The following ACSF3 variants were observed in gnomAD, a reference collection of about 807,000 sequenced individuals.
ACSF3 encodes the protein malonate--CoA ligase ACSF3, mitochondrial.
In ACSF3, 78 loss-of-function variants were observed where a neutral mutation model predicts 53.2. The ratio of observed to expected loss-of-function variants is 1.47; its 90% confidence interval spans 1.22 to 1.77. The LOEUF is 1.77. Ranked by LOEUF, ACSF3 falls within the 40% of genes most tolerant of loss-of-function variation. The probability of loss-of-function intolerance (pLI) is 0.00; values close to 1 mark genes in which losing one functional copy is unlikely to be tolerated. For synonymous variants in ACSF3, 414 were observed against 333.1 expected, an observed-to-expected ratio of 1.24 and a Z score of -2.65; for missense variants, 937 against 771.1, an observed-to-expected ratio of 1.22 and a Z score of -2.55.
chr16:89,094,177 T>A (rs2151380766), intron 1 of ACSF3, among the ~76,000 whole-genome samples, 181 bp downstream of exon 1: 1 of 151,352 alleles, frequency 6.6e-6, no homozygotes, highest in South Asian at 2.1e-4. Flanking sequence ...GCCGAGCCTC[T>A]CGTGTCCGGT....
intron 7 of ACSF3, among the ~76,000 whole-genome samples, chr16:89,126,308 G>A (rs187142209): frequency 7.1e-4 from 108 of 151,666 alleles, no homozygotes; most frequent in African/African-American, 2.5e-3. Context: ...TTGTCCTTTC[G>A]CCCAGGCTGG....
At position 89,156,168 on chromosome 16, in the gene ACSF3, A is replaced by T. The variant is rs1914676634; in HGVS notation, c.*1961A>T. On this transcript the variant is annotated 3_prime_UTR_variant, in exon 11 of 11. Coordinates refer to ENST00000614302, the MANE Select transcript of ACSF3 (RefSeq NM_001243279.3). ...GTTCCCCTCTGCTCCACCAGCCGAG[A>T]ACAAGCCCGTCCTGGAGGGAACTCA... Among the ~76,000 whole-genome samples, 1 of 152,082 alleles carries T rather than the reference A, an allele frequency of 6.6e-6. No homozygotes were observed. Among genetic ancestry groups the T allele is most frequent in the African/African-American group, 2.4e-5 (1 of 41,410 alleles).
At chr16:89,110,026 T>C (rs1976505096) in intron 4 of ACSF3, among the ~76,000 whole-genome samples, 1 of 152,268 alleles carries the variant, frequency 6.6e-6, no homozygotes. Flanking sequence ...ACGAGTCTCT[T>C]TTCAGATGTA....
intron 7 of ACSF3, among the ~76,000 whole-genome samples, chr16:89,125,343 C>A (rs1185432970): frequency 1.4e-4 from 20 of 140,868 alleles, no homozygotes; most frequent in South Asian, 9.1e-4. Flanking sequence ...AACTCTGTCT[C>A]AAAAAAAAAA....
intron 7 of ACSF3, among the ~76,000 whole-genome samples, chr16:89,127,334 C>A (rs1908335799): frequency 6.6e-6 from 1 of 151,816 alleles, no homozygotes; most frequent in South Asian, 2.1e-4. Flanking sequence ...CCAATGAAAT[C>A]ATCTGGGCCT....
At chr16:89,103,254 G>A (rs907106890) in intron 4 of ACSF3, among the ~76,000 whole-genome samples, 36 of 152,240 alleles carry the variant, frequency 2.4e-4, no homozygotes, top group African/African-American at 7.5e-4. Flanking sequence ...CTGCGGCTGC[G>A]GCGAATGCTC....
rs537245107 is a variant in ACSF3, at chr16:89,138,486, C to T, written c.1366+5224C>T. On this transcript the variant is annotated intron_variant, in intron 8 of 10. Coordinates refer to ENST00000614302, the MANE Select transcript of ACSF3 (RefSeq NM_001243279.3). ...GTGCCAGCCTCTGCGCCAAGGGTGC[C>T]GACCAAGGTCAGAGCCGATCGCGGG... Among the ~76,000 whole-genome samples, 3 of 152,350 alleles carry T rather than the reference C, an allele frequency of 2.0e-5. No homozygotes were observed. The South Asian group carries it at 6.2e-4, about 32-fold the overall frequency.
chr16:89,136,425 A>C, intron 8 of ACSF3: 2 of 985,848 alleles, frequency 2.0e-6, no homozygotes, highest in Non-Finnish European at 2.6e-6. Context: ...TCTTTGTCAC[A>C]GGCCATTAGC....
At chr16:89,109,229 C>CAAAAAA (rs773650798) in intron 4 of ACSF3, among the ~76,000 whole-genome samples, 4 of 68,474 alleles carry the variant, frequency 5.8e-5, no homozygotes, top group Non-Finnish European at 9.2e-5. Context: ...AAGACTGTCT[C>CAAAAAA]AAAAAAAAAA....
At chr16:89,114,701 G>C (rs745681059) in intron 6 of ACSF3, 1 of 689,938 alleles carries the variant, frequency 1.4e-6, no homozygotes, top group African/African-American at 1.8e-5. Context: ...TCGGGTGGAT[G>C]GGGGAGGTGT....
intron 7 of ACSF3, among the ~76,000 whole-genome samples, chr16:89,132,882 G>A (rs1439632950): frequency 1.3e-5 from 2 of 152,278 alleles, no homozygotes; most frequent in Admixed American, 1.3e-4. Context: ...TGTTCTGGGA[G>A]GAATGAAAGG....
Position 89,098,753 on chromosome 16 carries a change from T to C in ACSF3, c.-31T>C, listed in dbSNP as rs1215298421. 2.2e-6 allele frequency: 1 copy of C among 454,032 alleles called. No homozygotes were observed. The highest frequency in any genetic ancestry group is 4.4e-6 in the Non-Finnish European group (1 of 226,794). 28.1% of individuals were successfully genotyped at this position (454,032 alleles called of 1,614,324 possible). ...CTTCCCCTTACCTCCTCTCTCTGGC[T>C]CGGGAGCTGGGTGAGTTTGAACTTG... On this transcript the variant is annotated 5_prime_UTR_variant, in exon 2 of 11. Transcript: ENST00000614302.
chr16:89,138,503 G>A (rs987430818), intron 8 of ACSF3, among the ~76,000 whole-genome samples: 4 of 152,222 alleles, frequency 2.6e-5, no homozygotes, highest in African/African-American at 9.6e-5. Context: ...GGTCAGAGCC[G>A]ATCGCGGGGA....
chr16:89,101,805 G>A (rs1001959058), intron 3 of ACSF3, among the ~76,000 whole-genome samples: 2 of 152,200 alleles, frequency 1.3e-5, no homozygotes, highest in Non-Finnish European at 2.9e-5. Context: ...GTGTCATAAC[G>A]TCTCCTATGC....
At chr16:89,134,025 C>T (rs1261620552) in intron 8 of ACSF3, among the ~76,000 whole-genome samples, 1 of 152,232 alleles carries the variant, frequency 6.6e-6, no homozygotes, top group East Asian at 1.9e-4. Flanking sequence ...ACATCCCGCC[C>T]CATGGGGCGT....
chr16:89,098,652 A>G lies in ACSF3; in HGVS notation c.-132A>G. On this transcript the variant is annotated 5_prime_UTR_variant, in exon 2 of 11. Transcript: ENST00000614302. ...TGGTGCCTGCCCCAGGAGGATGAGC[A>G]TTTGCATTGCCTGCACCTTATCGTG... 2.2e-6 allele frequency: 1 copy of G among 454,074 alleles called. No homozygotes were observed. The highest frequency in any genetic ancestry group is 1.6e-5 in the South Asian group (1 of 64,478). 28.1% of individuals were successfully genotyped at this position (454,074 alleles called of 1,614,324 possible).
chr16:89,123,041 G>C (rs958128401), intron 7 of ACSF3, among the ~76,000 whole-genome samples: 4 of 152,330 alleles, frequency 2.6e-5, no homozygotes, highest in African/African-American at 7.2e-5. Flanking sequence ...AGATGCTCTG[G>C]GGCTGCTTAA....
intron 6 of ACSF3, chr16:89,114,708 G>A (rs1322795819): frequency 6.0e-6 from 4 of 668,512 alleles, no homozygotes; most frequent in Non-Finnish European, 1.0e-5. Flanking sequence ...GATGGGGGAG[G>A]TGTCTGTGCT....
At chr16:89,140,888 G>A (rs1271095136) in intron 8 of ACSF3, among the ~76,000 whole-genome samples, 1 of 152,152 alleles carries the variant, frequency 6.6e-6, no homozygotes, top group Non-Finnish European at 1.5e-5. Context: ...CCAGGTAATA[G>A]GAGTTTATTG....
Sources: allele counts gnomAD v4.1 joint callset (sites outside exome capture counted in the v4.1 genomes callset), GRCh38; gene constraint gnomAD v4.1.1; transcripts MANE v1.5; gene names NCBI Gene and HGNC (gene_info 2026-07-23, HGNC 2026-07-21).